The following SLC4A10 variants were observed in gnomAD, a reference collection of about 807,000 sequenced individuals.
The protein encoded by SLC4A10 is solute carrier family 4 member 10.
In SLC4A10, 42 loss-of-function variants were observed where a neutral mutation model predicts 137.7. The ratio of observed to expected loss-of-function variants is 0.30; its 90% CI spans 0.24 to 0.39. The LOEUF is 0.39. SLC4A10 is among the 10% of genes least tolerant of loss of function. SLC4A10 has a pLI of 1.00. For synonymous variants in SLC4A10, 474 were observed against 464.1 expected (o/e 1.02, Z -0.27); for missense variants, 925 against 1,355.0 (o/e 0.68, Z 4.98).
chr2:161,975,178 C>T lies in SLC4A10; in HGVS notation c.3227+862C>T, dbSNP rs138429425. Among the ~76,000 whole-genome samples, 56 of 152,210 alleles carry T rather than the reference C, an allele frequency of 3.7e-4. No homozygotes were observed. In the East Asian group the frequency reaches 4.2e-3, roughly 12 times the overall value. On this transcript the variant is annotated intron_variant, in intron 24 of 26. Transcript: ENST00000446997. Reference sequence around the variant, plus strand: ...TGATTACCTCCCTCTTAAGAGGGGGCACAACTATAAGATGTTTTATCTTTT... The same window carrying T: ...TGATTACCTCCCTCTTAAGAGGGGGTACAACTATAAGATGTTTTATCTTTT...
At chr2:161,665,555 C>T (rs1261728299) in intron 1 of SLC4A10, among the ~76,000 whole-genome samples, 1 of 151,646 alleles carries the variant, frequency 6.6e-6, no homozygotes. Context: ...TGATTGGTTT[C>T]ACTATTCATG....
intron 1 of SLC4A10, among the ~76,000 whole-genome samples, chr2:161,642,078 A>T (rs960654128): frequency 1.3e-5 from 2 of 151,970 alleles, no homozygotes; most frequent in African/African-American, 4.8e-5. Context: ...CAGTATTCCT[A>T]ACCTTTCACC....
intron 1 of SLC4A10, among the ~76,000 whole-genome samples, chr2:161,746,786 T>A (rs1230620113): frequency 6.6e-6 from 1 of 152,156 alleles, no homozygotes; most frequent in Admixed American, 6.5e-5. Flanking sequence ...CCAAGCACTC[T>A]TTAGTCAGCA....
At chr2:161,838,013 C>T (rs974827594) in intron 3 of SLC4A10, among the ~76,000 whole-genome samples, 4 of 152,174 alleles carry the variant, frequency 2.6e-5, no homozygotes, top group Non-Finnish European at 5.9e-5. Context: ...TTCAGACATC[C>T]AGGCTTCAGA....
In SLC4A10 at chr2:161,973,215, T is replaced by C. The variant is rs771120289; in HGVS notation, c.3160-1034T>C. Among the ~76,000 whole-genome samples the C allele has an allele frequency of 2.6e-4, 40 of 152,156 alleles. 1 individual carries two copies. The highest frequency in any genetic ancestry group is 4.9e-4 in the Non-Finnish European group (33 of 68,028). ...ATGTTTATACATCTTAAAATTCCATTTCTGGGGTTAGAACCAATAATTCTA... is the reference window on the plus strand; with the variant it reads ...ATGTTTATACATCTTAAAATTCCATCTCTGGGGTTAGAACCAATAATTCTA... On this transcript the variant is annotated intron_variant, in intron 23 of 26. Transcript: ENST00000446997.
intron 3 of SLC4A10, among the ~76,000 whole-genome samples, chr2:161,816,134 GT>G (rs2057034127): frequency 6.6e-6 from 1 of 152,092 alleles, no homozygotes; most frequent in African/African-American, 2.4e-5. Context: ...TCTGATTTGG[GT>G]TTTGATATTC....
intron 1 of SLC4A10, among the ~76,000 whole-genome samples, chr2:161,630,377 TC>T (rs2105399625): frequency 6.6e-6 from 1 of 151,150 alleles, no homozygotes; most frequent in East Asian, 2.0e-4. Flanking sequence ...CTTTCTATTT[TC>T]TGACATAGAT....
intron 3 of SLC4A10, among the ~76,000 whole-genome samples, chr2:161,820,705 G>A (rs1178719966): frequency 1.3e-5 from 2 of 152,068 alleles, no homozygotes; most frequent in Non-Finnish European, 2.9e-5. Flanking sequence ...ATGGTCATTT[G>A]GATCATATGC....
chr2:161,766,833 A>T (rs892569929), intron 1 of SLC4A10, among the ~76,000 whole-genome samples: 1 of 151,352 alleles, frequency 6.6e-6, no homozygotes, highest in Non-Finnish European at 1.5e-5. Flanking sequence ...TTTCATTTTT[A>T]AAAATTTTTT....
intron 2 of SLC4A10, among the ~76,000 whole-genome samples, chr2:161,777,263 A>G (rs1241896583): frequency 1.3e-5 from 2 of 151,806 alleles, no homozygotes; most frequent in Non-Finnish European, 2.9e-5. Flanking sequence ...GTAACCTCTT[A>G]CCAGATATAT....
intron 6 of SLC4A10, among the ~76,000 whole-genome samples, chr2:161,869,225 A>T (rs1286982700): frequency 6.6e-6 from 1 of 151,670 alleles, no homozygotes; most frequent in East Asian, 1.9e-4. Flanking sequence ...CCATTCTGTG[A>T]ACCATTATTG....
At chr2:161,912,035 T>C (rs896410674) in intron 15 of SLC4A10, among the ~76,000 whole-genome samples, 1 of 152,126 alleles carries the variant, frequency 6.6e-6, no homozygotes, top group Admixed American at 6.6e-5. Flanking sequence ...TAGTATCCAG[T>C]ATAATAGTTC....
chr2:161,918,860 G>T (rs1351937859), intron 15 of SLC4A10, among the ~76,000 whole-genome samples: 1 of 152,206 alleles, frequency 6.6e-6, no homozygotes, highest in African/African-American at 2.4e-5. Context: ...CAGGACCCAG[G>T]AAAAGGTGGA....
Position 161,882,394 on chromosome 2 carries a change from C to G in SLC4A10, c.1144C>G (p.Gln382Glu). 1 of 1,597,408 alleles carries G rather than the reference C, an allele frequency of 6.3e-7. No individual in the cohort carries two copies. Among genetic ancestry groups the G allele is most frequent in the Non-Finnish European group, 8.5e-7 (1 of 1,171,520 alleles). Residue 382 changes from glutamine (Q) to glutamate (E), a missense_variant, in exon 10 of 27, where the codon CAA (glutamine) becomes GAA (glutamate). Physicochemically the swap from Gln to Glu is conservative, Grantham distance 29. Transcript: ENST00000446997. The part of the protein sequence containing the change: ...FILLGPLGKG[Q>E]QYHEIGRSIA... Reference sequence around the variant, plus strand: ...TCTTCTGGGACCCCTGGGAAAGGGTCAACAGTACCATGAGATTGGCAGATC... The same window carrying G: ...TCTTCTGGGACCCCTGGGAAAGGGTGAACAGTACCATGAGATTGGCAGATC...
intron 3 of SLC4A10, among the ~76,000 whole-genome samples, chr2:161,825,521 C>G (rs1268296500): frequency 6.6e-6 from 1 of 152,158 alleles, no homozygotes; most frequent in East Asian, 1.9e-4. Context: ...GATAGAGTCT[C>G]TCTGCTGAAA....
intron 1 of SLC4A10, among the ~76,000 whole-genome samples, chr2:161,668,058 T>C (rs1357865050): frequency 6.6e-6 from 1 of 151,812 alleles, no homozygotes; most frequent in Non-Finnish European, 1.5e-5. Flanking sequence ...CACATGGTGT[T>C]TGGTAACAGA....
At chr2:161,747,330 T>C (rs944521528) in intron 1 of SLC4A10, among the ~76,000 whole-genome samples, 2 of 152,176 alleles carry the variant, frequency 1.3e-5, no homozygotes, top group African/African-American at 4.8e-5. Flanking sequence ...TTTTCTGCTG[T>C]GACAGGGCAG....
intron 2 of SLC4A10, among the ~76,000 whole-genome samples, chr2:161,771,453 G>T (rs969486453): frequency 6.6e-6 from 1 of 151,824 alleles, no homozygotes; most frequent in Admixed American, 6.6e-5. Flanking sequence ...CAGAGGTATA[G>T]TCACCATTTT....
At chr2:161,763,624 T>G (rs992192768) in intron 1 of SLC4A10, among the ~76,000 whole-genome samples, 3 of 152,094 alleles carry the variant, frequency 2.0e-5, no homozygotes, top group African/African-American at 7.2e-5. Flanking sequence ...ACAAGAGCTC[T>G]GGTCTATGAG....
Sources: allele counts gnomAD v4.1 joint callset (sites outside exome capture counted in the v4.1 genomes callset), GRCh38; gene constraint gnomAD v4.1.1; transcripts MANE v1.5; gene names NCBI Gene and HGNC (gene_info 2026-07-23, HGNC 2026-07-21).